Variants in PTH2R observed in about 807,000 individuals in gnomAD.
PTH2R encodes parathyroid hormone 2 receptor.
A neutral mutation model predicts 60.3 loss-of-function variants in PTH2R; 59 were observed. The ratio of observed to expected loss-of-function variants is 0.98; its 90% CI spans 0.79 to 1.22. PTH2R has a LOEUF of 1.22. Ranked by LOEUF, PTH2R falls within the 50% of genes most tolerant of loss-of-function variation. The probability of loss-of-function intolerance (pLI) is 0.00; values close to 1 mark genes in which losing one functional copy is unlikely to be tolerated. For missense variants in PTH2R, 749 were observed against 682.6 expected, an observed-to-expected ratio of 1.10 and a Z score of -1.08; for synonymous variants, 256 against 243.8, an observed-to-expected ratio of 1.05 and a Z score of -0.47.
intron 7 of PTH2R, among the ~76,000 whole-genome samples, chr2:208,445,343 A>C (rs551275478): frequency 3.9e-5 from 6 of 152,338 alleles, no homozygotes; most frequent in Admixed American, 1.3e-4. Context: ...GTATTTAACA[A>C]ATACAAATTA....
intron 8 of PTH2R, among the ~76,000 whole-genome samples, chr2:208,452,616 G>A (rs1702428603): frequency 6.6e-6 from 1 of 152,158 alleles, no homozygotes; most frequent in African/African-American, 2.4e-5. Context: ...AGATTAGGAT[G>A]TTTGGTCTTC....
intron 9 of PTH2R, among the ~76,000 whole-genome samples, chr2:208,469,203 C>T (rs1272307181): frequency 6.6e-6 from 1 of 152,148 alleles, no homozygotes; most frequent in East Asian, 1.9e-4. Flanking sequence ...TAGCTATGTG[C>T]ATAGTTTTAA....
intron 1 of PTH2R, among the ~76,000 whole-genome samples, chr2:208,426,862 T>G (rs1316855866): frequency 2.0e-5 from 3 of 152,186 alleles, no homozygotes; most frequent in African/African-American, 7.2e-5. Context: ...GAGAATGGAC[T>G]AATACAATGA....
intron 9 of PTH2R, among the ~76,000 whole-genome samples, chr2:208,474,138 T>A (rs2105899314): frequency 6.6e-6 from 1 of 152,208 alleles, no homozygotes; most frequent in East Asian, 1.9e-4. Context: ...TTAGCCCCTT[T>A]TAAAATGAAG....
intron 1 of PTH2R, among the ~76,000 whole-genome samples, chr2:208,408,740 A>AAGAGAGAGAGAGAG (rs56107941): frequency 4.9e-5 from 6 of 123,316 alleles, no homozygotes; most frequent in African/African-American, 2.0e-4. Context: ...GAGAGAGAGA[A>AAGAGAGAGAGAGAG]AGAGAGAGAG....
At chr2:208,391,240 A>G (rs539703086) in intron 1 of PTH2R, among the ~76,000 whole-genome samples, 2 of 152,218 alleles carry the variant, frequency 1.3e-5, no homozygotes, top group Non-Finnish European at 2.9e-5. Context: ...TTCTCGATTT[A>G]ATAGAAAATC....
intron 1 of PTH2R, among the ~76,000 whole-genome samples, chr2:208,419,446 G>A (rs1347074121): frequency 6.6e-6 from 1 of 152,114 alleles, no homozygotes; most frequent in African/African-American, 2.4e-5. Flanking sequence ...TGAGTAGGTT[G>A]CAAAAATTTT....
chr2:208,493,639 G>A lies in PTH2R; in HGVS notation c.1633G>A (p.Glu545Lys). Reference protein sequence around the residue: ...SNPDTEGCQGETEDVL With the variant: ...SNPDTEGCQGKTEDVL ...CCCAGACACTGAAGGATGCCAAGGA[G>A]AAACTGAGGATGTTCTCTGAATGGA... is the stretch of plus-strand genomic sequence containing the variant. Residue 545 changes from glutamate to lysine, a missense_variant, in exon 13 of 13, where the codon GAA (glutamate) becomes AAA (lysine). Coordinates refer to ENST00000272847, the MANE Select transcript of PTH2R (RefSeq NM_005048.4). 6.4e-7 allele frequency: 1 copy of A among 1,557,008 alleles called. No individual in the cohort carries two copies. The highest frequency in any genetic ancestry group is 8.7e-7 in the Non-Finnish European group (1 of 1,148,286).
intron 10 of PTH2R, among the ~76,000 whole-genome samples, chr2:208,484,641 T>C (rs1286891682): frequency 1.3e-5 from 2 of 152,200 alleles, no homozygotes; most frequent in Non-Finnish European, 2.9e-5. Flanking sequence ...TGAAAAAGAA[T>C]ACTTGAATGT....
chr2:208,441,386 G>A (rs955871469), intron 4 of PTH2R, among the ~76,000 whole-genome samples: 5 of 152,126 alleles, frequency 3.3e-5, no homozygotes, highest in Non-Finnish European at 5.9e-5. Context: ...GCAAGCCTCC[G>A]TAAATTCAGC....
At chr2:208,493,220 C>A (rs1438789737) in intron 12 of PTH2R, 44 bp from the exon 13 acceptor site, 3 of 1,417,114 alleles carry the variant, frequency 2.1e-6, no homozygotes, top group African/African-American at 2.9e-5. Context: ...GCTGCAGGGT[C>A]TCCTTTAGGA....
chr2:208,434,775 A>G (rs1400883253), intron 2 of PTH2R, among the ~76,000 whole-genome samples: 1 of 152,212 alleles, frequency 6.6e-6, no homozygotes, highest in Non-Finnish European at 1.5e-5. Context: ...AGATATCAAG[A>G]TATACTGTTG....
At chr2:208,429,166 G>A (rs1701920521) in intron 2 of PTH2R, among the ~76,000 whole-genome samples, 1 of 151,840 alleles carries the variant, frequency 6.6e-6, no homozygotes, top group African/African-American at 2.4e-5. Context: ...GTCTTCAAAG[G>A]TATGTATGCC....
At chr2:208,406,660 C>CAG, upstream of PTH2R, among the ~76,000 whole-genome samples, 1 of 152,262 alleles carries the variant, frequency 6.6e-6, no homozygotes, top group South Asian at 2.1e-4. Context: ...TTGCCCTCCG[C>CAG]CCCCTGGGCT....
intron 1 of PTH2R, among the ~76,000 whole-genome samples, chr2:208,380,627 G>A (rs6744738): frequency 0.99 from 149,929 of 152,160 alleles, 73,916 homozygotes; most frequent in East Asian, 1. Flanking sequence ...CCTGCCTGGT[G>A]GGTGCAGCCA....
intron 1 of PTH2R, among the ~76,000 whole-genome samples, chr2:208,421,272 G>A (rs1268945538): frequency 6.6e-6 from 1 of 152,062 alleles, no homozygotes; most frequent in Non-Finnish European, 1.5e-5. Flanking sequence ...AGCCAAATGT[G>A]CAAAATCAAC....
At chr2:208,417,124 T>C (rs1401683754) in intron 1 of PTH2R, among the ~76,000 whole-genome samples, 2 of 152,188 alleles carry the variant, frequency 1.3e-5, no homozygotes, top group African/African-American at 4.8e-5. Flanking sequence ...TTGTTTTTCT[T>C]TTTTAGAAGG....
At chr2:208,475,510 G>A (rs899986742) in intron 9 of PTH2R, among the ~76,000 whole-genome samples, 13 of 151,982 alleles carry the variant, frequency 8.6e-5, no homozygotes, top group African/African-American at 3.1e-4. Context: ...AGTAGTTCAG[G>A]CAGTAGTTCC....
At chr2:208,434,690 G>C (rs1469348590) in intron 2 of PTH2R, among the ~76,000 whole-genome samples, 3 of 152,042 alleles carry the variant, frequency 2.0e-5, no homozygotes, top group Non-Finnish European at 2.9e-5. Context: ...TTACACAATA[G>C]ATACTGGGCA....
Sources: allele counts gnomAD v4.1 joint callset (sites outside exome capture counted in the v4.1 genomes callset), GRCh38; gene constraint gnomAD v4.1.1; transcripts MANE v1.5; gene names NCBI Gene and HGNC (gene_info 2026-07-23, HGNC 2026-07-21).